BARX2: variants seen among roughly 807,000 people sequenced by gnomAD.
BARX2 encodes homeobox protein BarH-like 2.
A neutral mutation model predicts 25.5 loss-of-function variants in BARX2; 11 were observed. The ratio of observed to expected loss-of-function variants is 0.43; its 90% CI spans 0.27 to 0.71. BARX2 has a LOEUF of 0.71. BARX2 is among the 30% of genes least tolerant of loss of function. The probability of loss-of-function intolerance (pLI) is 0.19; values close to 1 mark genes in which losing one functional copy is unlikely to be tolerated. For missense variants in BARX2, 360 were observed against 359.9 expected, an observed-to-expected ratio of 1.00 and a Z score of 0.00; for synonymous variants, 137 against 149.5, an observed-to-expected ratio of 0.92 and a Z score of 0.61.
At chr11:129,399,335 T>G (rs1380957901) in intron 1 of BARX2, among the ~76,000 whole-genome samples, 2 of 152,230 alleles carry the variant, frequency 1.3e-5, no homozygotes, top group African/African-American at 4.8e-5. Context: ...GGTTGGCTGC[T>G]GCTTTCTGCT....
chr11:129,395,488 T>C (rs1861709905), intron 1 of BARX2, among the ~76,000 whole-genome samples: 1 of 152,200 alleles, frequency 6.6e-6, no homozygotes, highest in Non-Finnish European at 1.5e-5. Context: ...TTGGATTAGA[T>C]TGAGTTAGTG....
intron 1 of BARX2, among the ~76,000 whole-genome samples, chr11:129,402,990 T>TTGCAAA (rs1861793282): frequency 6.6e-6 from 1 of 152,316 alleles, no homozygotes; most frequent in African/African-American, 2.4e-5. Flanking sequence ...AGAATGGTAT[T>TTGCAAA]TGCAAATCAA....
intron 1 of BARX2, among the ~76,000 whole-genome samples, chr11:129,414,456 C>T (rs377060412): frequency 3.9e-5 from 6 of 152,104 alleles, no homozygotes; most frequent in East Asian, 3.9e-4. Flanking sequence ...CCTTATTTCC[C>T]GTTCCCCTGC....
At chr11:129,387,807 TAGGAGTAACAAC>T (rs1861629958) in intron 1 of BARX2, among the ~76,000 whole-genome samples, 2 of 152,138 alleles carry the variant, frequency 1.3e-5, no homozygotes, top group African/African-American at 4.8e-5. Context: ...AGGTGCTAAA[TAGGAGTAACAAC>T]AATAATAAAT....
At chr11:129,384,266 G>A (rs1861598148) in intron 1 of BARX2, among the ~76,000 whole-genome samples, 1 of 151,514 alleles carries the variant, frequency 6.6e-6, no homozygotes, top group Non-Finnish European at 1.5e-5. Context: ...ATATGCATTT[G>A]GTAAGTGATA....
chr11:129,405,312 G>A (rs2135395125), intron 1 of BARX2, among the ~76,000 whole-genome samples: 1 of 152,276 alleles, frequency 6.6e-6, no homozygotes, highest in South Asian at 2.1e-4. Flanking sequence ...TTGCAAGTCT[G>A]AAACCAAACT....
At chr11:129,381,723 C>A (rs1437545810) in intron 1 of BARX2, among the ~76,000 whole-genome samples, 1 of 151,952 alleles carries the variant, frequency 6.6e-6, no homozygotes, top group East Asian at 1.9e-4. Context: ...TTAAATGTAA[C>A]ATATCCCAAA....
intron 1 of BARX2, among the ~76,000 whole-genome samples, chr11:129,392,954 T>C (rs750576482): frequency 6.6e-5 from 10 of 152,084 alleles, no homozygotes; most frequent in Non-Finnish European, 8.8e-5. Flanking sequence ...GATACTATTA[T>C]TATTCTCATT....
chr11:129,437,508 G>A (rs1862205310), intron 2 of BARX2: 1 of 987,686 alleles, frequency 1.0e-6, no homozygotes. Context: ...CTATTGCTTG[G>A]GAAGGACTGG....
chr11:129,421,034 A>G (rs1261798887), intron 1 of BARX2, among the ~76,000 whole-genome samples: 1 of 152,194 alleles, frequency 6.6e-6, no homozygotes, highest in African/African-American at 2.4e-5. Flanking sequence ...GGGGTTGTCA[A>G]GGCCAGAGTT....
At chr11:129,377,717 C>G (rs951002376) in intron 1 of BARX2, among the ~76,000 whole-genome samples, 4 of 152,126 alleles carry the variant, frequency 2.6e-5, no homozygotes, top group African/African-American at 9.7e-5. Flanking sequence ...CAATTCCCTT[C>G]GAGGAAAAAG....
intron 1 of BARX2, among the ~76,000 whole-genome samples, chr11:129,427,117 G>A (rs1039431753): frequency 6.6e-6 from 1 of 152,204 alleles, no homozygotes; most frequent in African/African-American, 2.4e-5. Flanking sequence ...CAATCACTGA[G>A]CATTATGAAA....
intron 1 of BARX2, among the ~76,000 whole-genome samples, chr11:129,429,314 T>G (rs1862102892): frequency 1.3e-5 from 2 of 152,034 alleles, no homozygotes; most frequent in South Asian, 4.1e-4. Flanking sequence ...GAAGGATCAC[T>G]TGAGGTCAAG....
intron 1 of BARX2, among the ~76,000 whole-genome samples, chr11:129,387,176 A>T (rs2135385912): frequency 6.6e-6 from 1 of 152,134 alleles, no homozygotes; most frequent in South Asian, 2.1e-4. Flanking sequence ...TACTCTTTCG[A>T]CCTCCTGGAA....
rs192390117 is a variant in BARX2 at position 129,393,744 on chromosome 11, T to C, written c.187+17522T>C. On this transcript the variant is annotated intron_variant, in intron 1 of 3. Coordinates refer to ENST00000281437, the MANE Select transcript of BARX2 (RefSeq NM_003658.5). ...GAGTAAGGAAAATGTTTATAAAATA[T>C]ATGTATGATAAAAAGAATAGTAATA... Among the ~76,000 whole-genome samples, 768 of 152,312 alleles carry C rather than the reference T, an allele frequency of 5.0e-3. 5 individuals carry two copies. The highest frequency in any genetic ancestry group is 0.012 in the South Asian group (59 of 4,832).
chr11:129,419,492 T>C (rs1265551773), intron 1 of BARX2, among the ~76,000 whole-genome samples: 1 of 152,200 alleles, frequency 6.6e-6, no homozygotes, highest in Non-Finnish European at 1.5e-5. Context: ...TGATATATAC[T>C]TAAAGGAGGA....
intron 1 of BARX2, among the ~76,000 whole-genome samples, chr11:129,434,100 G>A (rs1301446215): frequency 2.0e-5 from 3 of 149,040 alleles, no homozygotes; most frequent in Admixed American, 6.7e-5. Flanking sequence ...TTTTAAAAAT[G>A]CATTTATAAA....
chr11:129,448,913 A>G (rs1054730656), intron 3 of BARX2, among the ~76,000 whole-genome samples: 15 of 152,238 alleles, frequency 9.9e-5, no homozygotes, highest in Admixed American at 4.6e-4. Flanking sequence ...CATTATGCTA[A>G]GTGAAAGAAG....
At chr11:129,410,699 A>G (rs1272260107) in intron 1 of BARX2, among the ~76,000 whole-genome samples, 1 of 152,146 alleles carries the variant, frequency 6.6e-6, no homozygotes, top group Non-Finnish European at 1.5e-5. Context: ...TACGGTGGCC[A>G]TTTGGTTTCA....
Sources: gnomAD v4.1 joint callset for allele counts (sites outside exome capture counted in the v4.1 genomes callset) on GRCh38, gnomAD v4.1.1 for gene constraint, MANE v1.5 for transcripts, NCBI Gene and HGNC (gene_info 2026-07-23, HGNC 2026-07-21) for gene names.